RGS6: variants seen among roughly 807,000 people sequenced by gnomAD.
The protein encoded by RGS6 is regulator of G-protein signaling 6.
Under a neutral mutation model 78.5 loss-of-function variants are expected in RGS6, and 30 were observed. The observed-to-expected ratio is 0.38, with a 90% CI of 0.29 to 0.52. The LOEUF is 0.52. Among genes scored for constraint, RGS6 ranks in the 20% least tolerant of loss-of-function variants. The pLI is 0.85. For synonymous variants in RGS6, 206 were observed against 206.0 expected (o/e 1.00, Z 0.00); for missense variants, 495 against 609.7 (o/e 0.81, Z 1.98).
chr14:72,047,920 T>A (rs1486840582), intron 2 of RGS6, among the ~76,000 whole-genome samples: 1 of 144,272 alleles, frequency 6.9e-6, no homozygotes, highest in Admixed American at 7.0e-5. Flanking sequence ...TTTTTTTTTT[T>A]TAGTAGAGAC....
At chr14:72,204,726 C>T (rs999756753) in intron 2 of RGS6, among the ~76,000 whole-genome samples, 1 of 152,282 alleles carries the variant, frequency 6.6e-6, no homozygotes, top group Non-Finnish European at 1.5e-5. Context: ...GGGCTCTGTT[C>T]CCATGAGCTA....
At chr14:72,534,699 C>T (rs901233055) in intron 15 of RGS6, among the ~76,000 whole-genome samples, 15 of 152,128 alleles carry the variant, frequency 9.9e-5, no homozygotes, top group African/African-American at 2.2e-4. Context: ...CTTGTCATTG[C>T]TCTGTCTTTT....
chr14:72,088,706 G>A (rs553539894), intron 2 of RGS6, among the ~76,000 whole-genome samples: 8 of 150,972 alleles, frequency 5.3e-5, no homozygotes, highest in Admixed American at 4.6e-4. Context: ...GTTTCCCGTT[G>A]CTCTTAGAAC....
At chr14:72,117,584 A>G (rs1345938441) in intron 2 of RGS6, among the ~76,000 whole-genome samples, 1 of 152,130 alleles carries the variant, frequency 6.6e-6, no homozygotes, top group African/African-American at 2.4e-5. Context: ...TTCCTTTATA[A>G]CAATGCAAAA....
chr14:72,213,711 G>A (rs1365579985), intron 2 of RGS6, among the ~76,000 whole-genome samples: 1 of 152,174 alleles, frequency 6.6e-6, no homozygotes, highest in Non-Finnish European at 1.5e-5. Context: ...TTCTAGCCAT[G>A]TTTATTCCTC....
chr14:72,361,290 T>A (rs943742942), intron 3 of RGS6, among the ~76,000 whole-genome samples: 1 of 152,124 alleles, frequency 6.6e-6, no homozygotes, highest in Non-Finnish European at 1.5e-5. Flanking sequence ...ATAGCAAGTT[T>A]GAGGTTATAA....
Position 72,085,221 on chromosome 14 carries a change from A to G in RGS6, c.84+120346A>G, listed in dbSNP as rs546052284. Among the ~76,000 whole-genome samples, 19 of 152,366 alleles carry G rather than the reference A, an allele frequency of 1.2e-4. 1 individual carries two copies. The highest frequency in any genetic ancestry group is 6.2e-4 in the South Asian group (3 of 4,830). On this transcript the variant is annotated intron_variant, in intron 2 of 17. Coordinates refer to ENST00000553525, the MANE Select transcript of RGS6 (RefSeq NM_001204424.2). Reference sequence around the variant, plus strand: ...GGAAAGATATTAACATTTATCGACCACTTTCTGCATGACAGCAGAAGGCGG... The same window carrying G: ...GGAAAGATATTAACATTTATCGACCGCTTTCTGCATGACAGCAGAAGGCGG...
At chr14:71,896,849 C>T in the RGS6 span, among the ~76,000 whole-genome samples, 2 of 152,182 alleles carry the variant, frequency 1.3e-5, no homozygotes, top group South Asian at 2.1e-4. Context: ...TCTGACCTTG[C>T]TATTTTATGA....
chr14:72,419,220 AG>A (rs2094021561), intron 3 of RGS6, among the ~76,000 whole-genome samples: 1 of 152,276 alleles, frequency 6.6e-6, no homozygotes, highest in South Asian at 2.1e-4. Context: ...ATTTAAAGCT[AG>A]TAGCATTTTT....
At position 71,939,634 on chromosome 14, in the gene RGS6, A is replaced by T. The variant is rs193216734; in HGVS notation, c.-21+6693A>T. ...AGTCAATGGCTGCATACCAAGTACT[A>T]GGAGATGTGTTAATTTGCTCAAGCA... On this transcript the variant is annotated intron_variant, in intron 1 of 17. Transcript: ENST00000553525. Among the ~76,000 whole-genome samples the T allele has an allele frequency of 6.4e-4, 98 of 152,380 alleles. 1 individual carries two copies. Among genetic ancestry groups the T allele is most frequent in the African/African-American group, 2.2e-3 (91 of 41,598 alleles).
the RGS6 span, chr14:72,619,509 G>C: frequency 1.1e-6 from 1 of 921,422 alleles, no homozygotes. Context: ...AAACGTGCCA[G>C]AGTCTGTGGC....
At chr14:72,615,123 C>G in the RGS6 span, among the ~76,000 whole-genome samples, 1 of 152,118 alleles carries the variant, frequency 6.6e-6, no homozygotes, top group Non-Finnish European at 1.5e-5. Context: ...GAGGGGCAGC[C>G]GGGGAGTGAG....
chr14:72,624,333 C>CTTTTTTTTTT, the RGS6 span, among the ~76,000 whole-genome samples: 17 of 97,800 alleles, frequency 1.7e-4, no homozygotes, highest in East Asian at 3.3e-4. Flanking sequence ...ACCTATGTCT[C>CTTTTTTTTTT]TTTTTTTTTT....
chr14:72,541,043 T>C, intron 17 of RGS6: 1 of 1,324,626 alleles, frequency 7.5e-7, no homozygotes, highest in Non-Finnish European at 9.9e-7. Context: ...GCACAAGAAA[T>C]ACTCAATCCC....
At chr14:71,898,663 C>A in the RGS6 span, among the ~76,000 whole-genome samples, 1 of 152,154 alleles carries the variant, frequency 6.6e-6, no homozygotes, top group African/African-American at 2.4e-5. Context: ...GCTCTCCCTC[C>A]TTTTCCTCCC....
intron 2 of RGS6, among the ~76,000 whole-genome samples, chr14:71,998,743 T>C (rs1371847421): frequency 6.6e-6 from 1 of 152,224 alleles, no homozygotes; most frequent in South Asian, 2.1e-4. Context: ...GGAAGATATC[T>C]TTATACCACC....
chr14:72,255,209 T>C (rs961254762), intron 2 of RGS6, among the ~76,000 whole-genome samples: 1 of 152,140 alleles, frequency 6.6e-6, no homozygotes, highest in Non-Finnish European at 1.5e-5. Flanking sequence ...CTTGGGGCTC[T>C]GGGGCATAGA....
At chr14:71,913,436 C>T in the RGS6 span, among the ~76,000 whole-genome samples, 1 of 152,214 alleles carries the variant, frequency 6.6e-6, no homozygotes. Context: ...CCTTTCCTTC[C>T]TCTGTGGCTC....
At chr14:71,973,748 T>G (rs954054772) in intron 2 of RGS6, among the ~76,000 whole-genome samples, 1 of 152,208 alleles carries the variant, frequency 6.6e-6, no homozygotes, top group African/African-American at 2.4e-5. Context: ...ATTTTAAGAT[T>G]CCTTTCATTA....
Sources: gnomAD v4.1 joint callset for allele counts (sites outside exome capture counted in the v4.1 genomes callset) on GRCh38, gnomAD v4.1.1 for gene constraint, MANE v1.5 for transcripts, NCBI Gene and HGNC (gene_info 2026-07-23, HGNC 2026-07-21) for gene names.